Variants in MCTP1 observed in about 807,000 individuals in gnomAD.
The protein encoded by MCTP1 is multiple C2 and transmembrane domain-containing protein 1.
A neutral mutation model predicts 120.6 loss-of-function variants in MCTP1; 69 were observed. That is an observed-to-expected ratio of 0.57 (90% CI 0.47 to 0.70). The LOEUF is 0.70. MCTP1 is among the 30% of genes least tolerant of loss of function. The pLI, the probability that MCTP1 is intolerant of heterozygous loss-of-function variation, is 0.00. For missense variants in MCTP1, 1,203 were observed against 1,248.8 expected (o/e 0.96, Z 0.55); for synonymous variants, 529 against 493.1 (o/e 1.07, Z -0.96).
At chr5:94,816,162 A>T (rs879882086) in intron 17 of MCTP1, among the ~76,000 whole-genome samples, 18 of 152,162 alleles carry the variant, frequency 1.2e-4, no homozygotes, top group Non-Finnish European at 2.6e-4. Flanking sequence ...TTCAAGGTAA[A>T]ATACGTATGT....
intron 1 of MCTP1, among the ~76,000 whole-genome samples, chr5:95,140,619 G>A (rs374024525): frequency 1.3e-5 from 2 of 148,888 alleles, no homozygotes; most frequent in Admixed American, 6.8e-5. Context: ...AGTACTTCGG[G>A]AGGCCGAGGC....
At chr5:94,826,679 C>A in intron 17 of MCTP1, 1 of 618,192 alleles carries the variant, frequency 1.6e-6, no homozygotes, top group Admixed American at 2.3e-5. Flanking sequence ...CTCTTCTTCT[C>A]TTATACACAC....
Position 95,217,838 on chromosome 5 carries a change from C to T in MCTP1, c.720+66018G>A, listed in dbSNP as rs143693103. On this transcript the variant is annotated intron_variant, in intron 1 of 22. Coordinates refer to ENST00000515393, the MANE Select transcript of MCTP1 (RefSeq NM_024717.7). Reference sequence around the variant, plus strand: ...GGCAGCCTGATTTTGTACTTGAGGCCCCAGAGCACACTTTTGGATTAAAAC... The same window carrying T: ...GGCAGCCTGATTTTGTACTTGAGGCTCCAGAGCACACTTTTGGATTAAAAC... 9.5e-3 allele frequency among the ~76,000 whole-genome samples: 1,450 copies of T among 152,138 alleles called. 15 individuals carry two copies. The highest frequency in any genetic ancestry group is 0.016 in the Non-Finnish European group (1,092 of 68,008).
intron 11 of MCTP1, among the ~76,000 whole-genome samples, chr5:94,892,752 C>G (rs1802965616): frequency 6.6e-6 from 1 of 152,206 alleles, no homozygotes; most frequent in Admixed American, 6.5e-5. Context: ...TAAAAATACA[C>G]ATGTTCTTGC....
At chr5:94,771,405 T>A (rs1774046198) in intron 19 of MCTP1, among the ~76,000 whole-genome samples, 1 of 152,162 alleles carries the variant, frequency 6.6e-6, no homozygotes, top group South Asian at 2.1e-4. Flanking sequence ...AGGAATGGAA[T>A]TAATGTTGAG....
intron 17 of MCTP1, among the ~76,000 whole-genome samples, chr5:94,840,706 C>T (rs1291758628): frequency 6.6e-6 from 1 of 152,172 alleles, no homozygotes; most frequent in Non-Finnish European, 1.5e-5. Context: ...CCTTAGTTTT[C>T]ACTCCTAAAA....
chr5:95,233,644 C>G (rs1339904457), intron 1 of MCTP1, among the ~76,000 whole-genome samples: 2 of 151,940 alleles, frequency 1.3e-5, no homozygotes, highest in African/African-American at 4.8e-5. Flanking sequence ...TGACATACTT[C>G]TAAATAAATC....
intron 1 of MCTP1, among the ~76,000 whole-genome samples, chr5:95,052,195 C>T (rs1359941702): frequency 6.6e-6 from 1 of 152,138 alleles, no homozygotes. Flanking sequence ...GGATTCACCG[C>T]TTTCTGGGTA....
chr5:94,947,607 G>GAGAC (rs1819426237), intron 3 of MCTP1, among the ~76,000 whole-genome samples: 1 of 118,254 alleles, frequency 8.5e-6, no homozygotes, highest in Non-Finnish European at 1.8e-5. Context: ...GAGAGAGAGA[G>GAGAC]AGAGAGAGAG....
At chr5:94,985,882 C>T (rs1240516090) in intron 2 of MCTP1, among the ~76,000 whole-genome samples, 5 of 152,042 alleles carry the variant, frequency 3.3e-5, no homozygotes, top group Non-Finnish European at 7.4e-5. Context: ...AATCTGACAT[C>T]GAGTTGATTG....
intron 10 of MCTP1, among the ~76,000 whole-genome samples, chr5:94,904,377 A>G (rs891833821): frequency 2.0e-5 from 3 of 152,154 alleles, no homozygotes; most frequent in Admixed American, 6.5e-5. Flanking sequence ...CACCCCTGCT[A>G]CCCCAGAGTG....
In MCTP1 at chr5:95,205,255, A is replaced by T. The variant is rs532820646; in HGVS notation, c.720+78601T>A. On this transcript the variant is annotated intron_variant, in intron 1 of 22. Coordinates refer to ENST00000515393, the MANE Select transcript of MCTP1 (RefSeq NM_024717.7). ...TAAAATGGGGAAAAAATAGTCTTTC[A>T]ACATATGGTTGGGACAACTGGGAAA... 5.3e-5 allele frequency among the ~76,000 whole-genome samples: 8 copies of T among 152,270 alleles called. No individual in the cohort carries two copies. The South Asian group carries it at 1.7e-3, about 32-fold the overall frequency.
chr5:95,267,823 C>A (rs1318889082), intron 1 of MCTP1, among the ~76,000 whole-genome samples: 1 of 152,222 alleles, frequency 6.6e-6, no homozygotes, highest in Non-Finnish European at 1.5e-5. Flanking sequence ...CCACTAATCC[C>A]AGACCCATCT....
At chr5:95,247,911 T>G (rs1020744134) in intron 1 of MCTP1, among the ~76,000 whole-genome samples, 4 of 152,210 alleles carry the variant, frequency 2.6e-5, no homozygotes, top group African/African-American at 9.6e-5. Context: ...TTAGGTATGC[T>G]TGGTGCAGAG....
intron 2 of MCTP1, among the ~76,000 whole-genome samples, chr5:95,015,065 C>A (rs1836822009): frequency 1.3e-5 from 2 of 152,022 alleles, no homozygotes; most frequent in African/African-American, 4.8e-5. Flanking sequence ...AAGGTACATA[C>A]ATTTTTAGAC....
intron 2 of MCTP1, among the ~76,000 whole-genome samples, chr5:95,009,338 T>C (rs1581817491): frequency 6.6e-6 from 1 of 152,186 alleles, no homozygotes; most frequent in African/African-American, 2.4e-5. Flanking sequence ...ACAATACAGA[T>C]AGCCATGTCA....
chr5:95,095,158 G>A (rs111306657), intron 1 of MCTP1, among the ~76,000 whole-genome samples: 11,694 of 149,650 alleles, frequency 0.078, 1,555 homozygotes, highest in African/African-American at 0.28. Flanking sequence ...CGAGTAGCTG[G>A]GACTACAGGC....
intron 2 of MCTP1, among the ~76,000 whole-genome samples, chr5:94,979,996 A>G (rs1044451517): frequency 1.3e-5 from 2 of 152,126 alleles, no homozygotes; most frequent in African/African-American, 4.8e-5. Flanking sequence ...ATTTAGTTTT[A>G]AAAAATACCT....
chr5:94,794,115 T>C (rs1480792948), intron 18 of MCTP1, among the ~76,000 whole-genome samples: 2 of 152,236 alleles, frequency 1.3e-5, no homozygotes, highest in African/African-American at 2.4e-5. Flanking sequence ...AATGATTTCA[T>C]TGATCTGCCC....
Sources: allele counts gnomAD v4.1 joint callset (sites outside exome capture counted in the v4.1 genomes callset), GRCh38; gene constraint gnomAD v4.1.1; transcripts MANE v1.5; gene names NCBI Gene and HGNC (gene_info 2026-07-23, HGNC 2026-07-21).